Variants in ARFGEF2 observed in about 807,000 individuals in gnomAD.
ARFGEF2 encodes brefeldin A-inhibited guanine nucleotide-exchange protein 2.
ARFGEF2 carries 74 observed loss-of-function variants against 219.9 expected under a neutral mutation model. That is an observed-to-expected ratio of 0.34 (90% CI 0.28 to 0.41). The LOEUF is 0.41. Ranked by LOEUF, ARFGEF2 falls within the 10% of genes least tolerant of loss-of-function variation. ARFGEF2 has a pLI of 1.00. For missense variants in ARFGEF2, 1,743 were observed against 2,218.3 expected (o/e 0.79, Z 4.30); for synonymous variants, 733 against 799.2 (o/e 0.92, Z 1.40).
chr20:48,967,160 T>C (rs183950046), intron 8 of ARFGEF2, among the ~76,000 whole-genome samples: 1 of 152,216 alleles, frequency 6.6e-6, no homozygotes. Context: ...TAATGTTTTT[T>C]TCCCCCCTTG....
intron 1 of ARFGEF2, among the ~76,000 whole-genome samples, chr20:48,934,310 C>T (rs940715475): frequency 2.0e-5 from 3 of 151,928 alleles, no homozygotes; most frequent in Admixed American, 6.6e-5. Context: ...CACACTTTTT[C>T]GCTGTTCCTT....
chr20:48,932,897 T>C (rs1568688166), intron 1 of ARFGEF2, among the ~76,000 whole-genome samples: 1 of 152,106 alleles, frequency 6.6e-6, no homozygotes, highest in Non-Finnish European at 1.5e-5. Context: ...GGGGGAAGCC[T>C]GCGACAGATA....
chr20:49,020,640 C>G (rs1352282868), intron 34 of ARFGEF2, among the ~76,000 whole-genome samples: 1 of 152,110 alleles, frequency 6.6e-6, no homozygotes, highest in Non-Finnish European at 1.5e-5. Flanking sequence ...GAGATGGGGT[C>G]TCACTTTGTT....
At chr20:48,959,792 G>A (rs1336030726) in intron 6 of ARFGEF2, among the ~76,000 whole-genome samples, 4 of 151,558 alleles carry the variant, frequency 2.6e-5, no homozygotes, top group Non-Finnish European at 5.9e-5. Flanking sequence ...TAGAGATGGG[G>A]TTTTGCTGTG....
chr20:48,996,534 C>T (rs556460316), intron 23 of ARFGEF2, among the ~76,000 whole-genome samples: 2 of 151,820 alleles, frequency 1.3e-5, no homozygotes, highest in African/African-American at 4.8e-5. Flanking sequence ...GTCAGGAAAT[C>T]GAGACCATCC....
At chr20:48,936,906 A>G (rs1600590148) in intron 1 of ARFGEF2, among the ~76,000 whole-genome samples, 3 of 152,232 alleles carry the variant, frequency 2.0e-5, no homozygotes, top group East Asian at 3.9e-4. Flanking sequence ...TCTTCTTTTG[A>G]GAAGTGTCTG....
At position 49,036,687 on chromosome 20, in the gene ARFGEF2, A is replaced by G. The variant is rs1306888202; in HGVS notation, c.*3488A>G. ...CAGGTGGTACATCAATAAAATTTTAAAAAGTATAGCTGTTTCTAATGTGTA... is the reference window on the plus strand; with the variant it reads ...CAGGTGGTACATCAATAAAATTTTAGAAAGTATAGCTGTTTCTAATGTGTA... On this transcript the variant is annotated 3_prime_UTR_variant, in exon 39 of 39. Coordinates refer to ENST00000371917, the MANE Select transcript of ARFGEF2 (RefSeq NM_006420.3). The G allele has an allele frequency of 6.5e-6, 1 of 153,064 alleles. No individual in the cohort carries two copies. Among genetic ancestry groups the G allele is most frequent in the East Asian group, 1.9e-4 (1 of 5,226 alleles). The allele number at this position is 153,064 out of a possible 1,614,324, so 9.5% of individuals were successfully genotyped here. A position where few individuals can be genotyped will look rare whatever the true frequency, so the allele number is the denominator to read the frequency against.
At chr20:49,009,150 A>G (rs758596291) in intron 26 of ARFGEF2, among the ~76,000 whole-genome samples, 2 of 152,232 alleles carry the variant, frequency 1.3e-5, no homozygotes, top group Non-Finnish European at 2.9e-5. Context: ...GGAGACAACC[A>G]TGAATTCATT....
rs763820580 is a variant in ARFGEF2, at chr20:48,976,113, G to A, written c.1872G>A (p.Ser624=). ...SVTSMESTVS[S]GTQTTVQDDP... is the part of the protein sequence containing the mutation. The stretch of plus-strand genomic sequence containing the variant: ...CGTCCATGGAGTCCACAGTGTCCTC[G>A]GGGACCCAGACAACTGTTCAGGATG... The change falls in exon 14 of 39, where the codon TCG becomes TCA. Residue 624 remains serine (S), a synonymous_variant. Coordinates refer to ENST00000371917, the MANE Select transcript of ARFGEF2 (RefSeq NM_006420.3). The A allele has an allele frequency of 1.9e-5, 31 of 1,613,620 alleles. No individual in the cohort carries two copies. The highest frequency in any genetic ancestry group is 4.5e-5 in the East Asian group (2 of 44,888).
At chr20:48,996,152 A>G (rs963072049) in intron 23 of ARFGEF2, among the ~76,000 whole-genome samples, 1 of 152,198 alleles carries the variant, frequency 6.6e-6, no homozygotes, top group Non-Finnish European at 1.5e-5. Flanking sequence ...TTTTTTAAAA[A>G]TCACAAGAAG....
chr20:49,004,974 G>A (rs1227374382), intron 25 of ARFGEF2, 96 bp from the exon 26 acceptor site: 9 of 1,362,780 alleles, frequency 6.6e-6, no homozygotes, highest in Non-Finnish European at 8.4e-6. Flanking sequence ...CTGAATGTTT[G>A]TTTTGAAGGT....
intron 31 of ARFGEF2, among the ~76,000 whole-genome samples, chr20:49,016,819 T>C (rs1411108705): frequency 6.6e-6 from 1 of 152,194 alleles, no homozygotes; most frequent in Non-Finnish European, 1.5e-5. Flanking sequence ...ATTCCATAGA[T>C]AATTTTGGCT....
At chr20:49,023,015 A>G in intron 34 of ARFGEF2, 36 bp from the exon 35 acceptor site, 3 of 1,613,710 alleles carry the variant, frequency 1.9e-6, no homozygotes, top group Non-Finnish European at 2.5e-6. Context: ...TATTGGCTGA[A>G]TCATTATTAG....
chr20:49,017,115 A>G, intron 31 of ARFGEF2, 134 bp from the exon 32 acceptor site: 1 of 856,436 alleles, frequency 1.2e-6, no homozygotes, highest in Non-Finnish European at 1.9e-6. Context: ...TACTGTCTGT[A>G]GCATGGCTTC....
intron 3 of ARFGEF2, among the ~76,000 whole-genome samples, chr20:48,943,597 G>C (rs1277399561): frequency 1.3e-5 from 2 of 152,030 alleles, no homozygotes; most frequent in African/African-American, 4.8e-5. Context: ...TTGAGTCAGG[G>C]TCTCACTCTG....
chr20:49,001,241 T>C (rs1446122621), intron 25 of ARFGEF2, among the ~76,000 whole-genome samples: 5 of 152,004 alleles, frequency 3.3e-5, no homozygotes, highest in African/African-American at 4.8e-5. Flanking sequence ...GGTTTCACCA[T>C]GTTGGCCAGG....
intron 1 of ARFGEF2, among the ~76,000 whole-genome samples, chr20:48,925,935 T>C (rs914162930): frequency 9.8e-5 from 15 of 152,338 alleles, no homozygotes; most frequent in Non-Finnish European, 1.8e-4. Flanking sequence ...ACATACGTAT[T>C]TTCATATGAA....
intron 7 of ARFGEF2, among the ~76,000 whole-genome samples, chr20:48,965,259 T>G (rs2091180352): frequency 6.6e-6 from 1 of 152,256 alleles, no homozygotes; most frequent in African/African-American, 2.4e-5. Flanking sequence ...GAATGAAATA[T>G]GCTTTGTAGG....
In ARFGEF2 at chr20:48,995,981, A is replaced by G. The variant is rs1051965212; in HGVS notation, c.3221+99A>G. The G allele has an allele frequency of 2.7e-6, 3 of 1,102,310 alleles. No individual in the cohort carries two copies. The African/African-American group carries it at 4.6e-5, about 17-fold the overall frequency. The allele number at this position is 1,102,310 out of a possible 1,614,324, so 68.3% of individuals were successfully genotyped here. A position where few individuals can be genotyped will look rare whatever the true frequency, so the allele number is the denominator to read the frequency against. ...ATGATTCCTAATTTCTTTAACTGATACAAGTGTTGTTAGCTACAAATTGCT... is the reference window on the plus strand; with the variant it reads ...ATGATTCCTAATTTCTTTAACTGATGCAAGTGTTGTTAGCTACAAATTGCT... On this transcript the variant is annotated intron_variant, in intron 23 of 38. Coordinates refer to ENST00000371917, the MANE Select transcript of ARFGEF2 (RefSeq NM_006420.3).
Sources: allele counts gnomAD v4.1 joint callset (sites outside exome capture counted in the v4.1 genomes callset), GRCh38; gene constraint gnomAD v4.1.1; transcripts MANE v1.5; gene names NCBI Gene and HGNC (gene_info 2026-07-23, HGNC 2026-07-21).